The following MTHFD1 variants were observed in gnomAD, a reference collection of about 807,000 sequenced individuals.
MTHFD1 encodes the protein methylenetetrahydrofolate dehydrogenase, cyclohydrolase and formyltetrahydrofolate synthetase 1, also known as C-1-tetrahydrofolate synthase, cytoplasmic.
MTHFD1 carries 44 observed loss-of-function variants against 110.3 expected under a neutral mutation model. That is an observed-to-expected ratio of 0.40 (90% CI 0.31 to 0.51). The LOEUF is 0.51. Ranked by LOEUF, MTHFD1 falls within the 20% of genes least tolerant of loss-of-function variation. The pLI is 0.60. For synonymous variants in MTHFD1, 402 were observed against 428.8 expected (o/e 0.94, Z 0.77); for missense variants, 909 against 1,173.1 (o/e 0.77, Z 3.29).
At chr14:64,403,927 G>A (rs1030670186) in intron 2 of MTHFD1, among the ~76,000 whole-genome samples, 10 of 152,144 alleles carry the variant, frequency 6.6e-5, no homozygotes, top group African/African-American at 2.4e-4. Context: ...AGTTTTACTG[G>A]GAGTGTGTGG....
chr14:64,454,746 C>T lies in MTHFD1; in HGVS notation c.2589C>T (p.Cys863=). 1 of 1,613,892 alleles carries T rather than the reference C, an allele frequency of 6.2e-7. No homozygotes were observed. The highest frequency in any genetic ancestry group is 8.5e-7 in the Non-Finnish European group (1 of 1,179,770). Residue 863 remains cysteine, a synonymous_variant, in exon 26 of 28, where the codon TGC becomes TGT. Coordinates refer to ENST00000652337, the MANE Select transcript of MTHFD1 (RefSeq NM_005956.4). ...AGGGCTTTGGGAATCTCCCCATCTG[C>T]ATGGCTAAAACACACTTGTCTTTGT... ...TKQGFGNLPI[C]MAKTHLSLSH... is the part of the protein sequence containing the mutation.
Position 64,411,151 on chromosome 14 carries a change from T to TA in MTHFD1, c.186+4dup, listed in dbSNP as rs539712991. Reference sequence around the variant, plus strand: ...GTGAAGCTGAAGGCTGCTGAAGAGGTAACGCCAGAAGAGCTGTGCCATCAC... The same window carrying TA: ...GTGAAGCTGAAGGCTGCTGAAGAGGTAAACGCCAGAAGAGCTGTGCCATCAC... On this transcript the variant is annotated splice_region_variant and intron_variant, in intron 3 of 27. Transcript: ENST00000652337. 3.5e-4 allele frequency: 559 copies of TA among 1,611,622 alleles called. 6 individuals are homozygous for TA. In the East Asian group the frequency reaches 0.012, roughly 36 times the overall value.
At chr14:64,452,175 A>C (rs2140985753) in intron 24 of MTHFD1, among the ~76,000 whole-genome samples, 1 of 152,242 alleles carries the variant, frequency 6.6e-6, no homozygotes, top group South Asian at 2.1e-4. Flanking sequence ...CATGCCTGTG[A>C]TCCCAGCTAC....
chr14:64,423,228 T>A (rs1210559952), intron 8 of MTHFD1, among the ~76,000 whole-genome samples: 1 of 152,140 alleles, frequency 6.6e-6, no homozygotes, highest in Non-Finnish European at 1.5e-5. Context: ...TTACTCCATA[T>A]AAAAAATATC....
At chr14:64,459,279 C>A (rs1260735609) in intron 27 of MTHFD1, among the ~76,000 whole-genome samples, 2 of 152,184 alleles carry the variant, frequency 1.3e-5, no homozygotes, top group Non-Finnish European at 2.9e-5. Context: ...CTCATTTGGA[C>A]ATTAGCGAAG....
intron 24 of MTHFD1, among the ~76,000 whole-genome samples, chr14:64,452,768 TTATG>T (rs1444536856): frequency 6.6e-6 from 1 of 152,230 alleles, no homozygotes; most frequent in African/African-American, 2.4e-5. Flanking sequence ...AGACTGGGAG[TTATG>T]TAGATGGACA....
chr14:64,441,935 ATT>A (rs2078252709), intron 19 of MTHFD1, 117 bp from the exon 20 acceptor site: 1 of 740,872 alleles, frequency 1.3e-6, no homozygotes, highest in Non-Finnish European at 2.4e-6. Context: ...ATGACTTTAT[ATT>A]TTCCCTCTGG....
intron 21 of MTHFD1, 52 bp from the exon 22 acceptor site, chr14:64,444,641 G>C: frequency 6.2e-7 from 1 of 1,602,366 alleles, no homozygotes; most frequent in Non-Finnish European, 8.6e-7. Flanking sequence ...ACCATTTTAA[G>C]CTAGGAGATT....
intron 1 of MTHFD1, among the ~76,000 whole-genome samples, chr14:64,396,020 A>C (rs1339312796): frequency 2.0e-5 from 3 of 152,218 alleles, no homozygotes; most frequent in Non-Finnish European, 2.9e-5. Flanking sequence ...GGATGGAAGA[A>C]CTTTACATTA....
chr14:64,458,016 A>T (rs939392319), intron 26 of MTHFD1, 198 bp from the exon 27 acceptor site: 3 of 616,320 alleles, frequency 4.9e-6, no homozygotes, highest in East Asian at 5.5e-5. Flanking sequence ...TTAGCATCCC[A>T]AGTAGCTGGA....
intron 13 of MTHFD1, 125 bp from the exon 14 acceptor site, chr14:64,431,407 T>C (rs2078158994): frequency 1.3e-6 from 1 of 777,848 alleles, no homozygotes; most frequent in African/African-American, 1.7e-5. Context: ...TGGGTGTTTG[T>C]CCACTAACTG....
At chr14:64,402,624 A>C (rs2140946822) in intron 2 of MTHFD1, among the ~76,000 whole-genome samples, 1 of 152,208 alleles carries the variant, frequency 6.6e-6, no homozygotes, top group South Asian at 2.1e-4. Context: ...CAGCCTGGAC[A>C]ACAAAGTGAG....
intron 7 of MTHFD1, among the ~76,000 whole-genome samples, chr14:64,419,522 G>A (rs956781515): frequency 1.3e-5 from 2 of 152,284 alleles, no homozygotes; most frequent in African/African-American, 4.8e-5. Flanking sequence ...AACACGCAGG[G>A]CCCCAAGCCT....
chr14:64,388,624 GGCACAACCTGCGTTT>G lies in MTHFD1; in HGVS notation c.41+160_41+174del, dbSNP rs1409687174. ...CCTGCAGCCAAAGAAAGAGAACCCG[GGCACAACCTGCGTTT>G]GCAAGTGGACTGCCTAGTGGCTGTA... On this transcript the variant is annotated intron_variant, in intron 1 of 27. Transcript: ENST00000652337. 4 of 742,682 alleles carry G rather than the reference GGCACAACCTGCGTTT, an allele frequency of 5.4e-6. No individual in the cohort carries two copies. In the African/African-American group the frequency reaches 7.0e-5, roughly 13 times the overall value. 46.0% of individuals were successfully genotyped at this position (742,682 alleles called of 1,614,324 possible).
At position 64,426,055 on chromosome 14, in the gene MTHFD1, C is replaced by T. The variant is rs750046338; in HGVS notation, c.990C>T (p.Pro330=). The T allele has an allele frequency of 3.1e-6, 5 of 1,613,680 alleles. No homozygotes were observed. Among genetic ancestry groups the T allele is most frequent in the Non-Finnish European group, 4.2e-6 (5 of 1,180,020 alleles). ...TATCACGATCTTGTAAACCGAAGCC[C>T]ATTGGTAAGCTGGCTCGAGAAATTG... ...IDISRSCKPK[P]IGKLAREIGL... is the part of the protein sequence containing the mutation. Residue 330 remains proline (P), a synonymous_variant, in exon 11 of 28, where the codon CCC becomes CCT. Transcript: ENST00000652337.
chr14:64,426,093 A>C lies in MTHFD1; in HGVS notation c.1028A>C (p.Glu343Ala). Residue 343 changes from glutamate to alanine, a missense_variant, in exon 11 of 28, where the codon GAA becomes GCA. Glu to Ala is a moderately radical substitution (Grantham distance 107). Transcript: ENST00000652337. ...GCTCGAGAAATTGGTCTGCTGTCTG[A>C]AGAGGTAGAATTATATGGTGAAACA... ...KLAREIGLLS[E>A]EVELYGETKA... 1 of 1,614,028 alleles carries C rather than the reference A, an allele frequency of 6.2e-7. No individual in the cohort carries two copies. Among genetic ancestry groups the C allele is most frequent in the Non-Finnish European group, 8.5e-7 (1 of 1,180,042 alleles).
At chr14:64,391,449 G>GC (rs1467939682) in intron 1 of MTHFD1, among the ~76,000 whole-genome samples, 1 of 152,228 alleles carries the variant, frequency 6.6e-6, no homozygotes, top group Non-Finnish European at 1.5e-5. Context: ...ACAGGTGTGA[G>GC]CCACTGCGCC....
chr14:64,426,241 T>C (rs759206509), intron 11 of MTHFD1, 49 bp downstream of exon 11: 1 of 1,608,988 alleles, frequency 6.2e-7, no homozygotes. Context: ...TCAGTCCTGA[T>C]ACTAAGGCGT....
At chr14:64,451,097 A>G (rs2078364211) in intron 24 of MTHFD1, among the ~76,000 whole-genome samples, 1 of 152,018 alleles carries the variant, frequency 6.6e-6, no homozygotes, top group African/African-American at 2.4e-5. Context: ...TGAACCCGGG[A>G]GGCGGACGTT....
Sources: allele counts gnomAD v4.1 joint callset (sites outside exome capture counted in the v4.1 genomes callset), GRCh38; gene constraint gnomAD v4.1.1; transcripts MANE v1.5; gene names NCBI Gene and HGNC (gene_info 2026-07-23, HGNC 2026-07-21).